The following MAPRE2 variants were observed in gnomAD, a reference collection of about 807,000 sequenced individuals.
The protein encoded by MAPRE2 is microtubule associated protein RP/EB family member 2, also known as microtubule-associated protein RP/EB family member 2.
A neutral mutation model predicts 43.2 loss-of-function variants in MAPRE2; 13 were observed. The ratio of observed to expected loss-of-function variants is 0.30; its 90% CI spans 0.20 to 0.48. MAPRE2 has a LOEUF of 0.48. MAPRE2 is among the 20% of genes least tolerant of loss of function. The probability of loss-of-function intolerance (pLI) is 0.99; values close to 1 mark genes in which losing one functional copy is unlikely to be tolerated. For missense variants in MAPRE2, 161 were observed against 400.2 expected, an observed-to-expected ratio of 0.40 and a Z score of 5.10; for synonymous variants, 135 against 148.8, an observed-to-expected ratio of 0.91 and a Z score of 0.68.
intron 1 of MAPRE2, among the ~76,000 whole-genome samples, chr18:35,055,537 CTGTG>C (rs34194364): frequency 2.0e-5 from 3 of 146,692 alleles, no homozygotes; most frequent in Non-Finnish European, 3.0e-5. Flanking sequence ...ATTCAGTTCT[CTGTG>C]TGTGTGTGTG....
intron 2 of MAPRE2, among the ~76,000 whole-genome samples, chr18:35,088,116 T>G (rs1055790692): frequency 5.3e-5 from 8 of 152,188 alleles, no homozygotes; most frequent in African/African-American, 1.7e-4. Flanking sequence ...AACATGCATT[T>G]TGGAGGGGAT....
chr18:35,015,633 AGTGTGTGTGT>A (rs3082290), intron 2 of MAPRE2, among the ~76,000 whole-genome samples: 3,807 of 134,852 alleles, frequency 0.028, 71 homozygotes, highest in East Asian at 0.05. Context: ...TAGGGATGGC[AGTGTGTGTGT>A]GTGTGTGTGT....
intron 2 of MAPRE2, among the ~76,000 whole-genome samples, chr18:35,090,503 A>G (rs1908093019): frequency 1.3e-5 from 2 of 152,080 alleles, no homozygotes; most frequent in Admixed American, 1.3e-4. Flanking sequence ...AGTCCAAGGC[A>G]GGAAGATCAC....
intron 4 of MAPRE2, among the ~76,000 whole-genome samples, chr18:35,109,751 C>T (rs1043424605): frequency 6.6e-6 from 1 of 152,030 alleles, no homozygotes. Flanking sequence ...TCAGGTCTTG[C>T]TTTTTTATTC....
intron 1 of MAPRE2, among the ~76,000 whole-genome samples, chr18:35,060,991 A>G (rs1906496016): frequency 6.6e-6 from 1 of 152,182 alleles, no homozygotes; most frequent in Non-Finnish European, 1.5e-5. Context: ...CCGTGTTTTG[A>G]AAAATAATCA....
intron 1 of MAPRE2, among the ~76,000 whole-genome samples, chr18:34,994,152 T>A (rs1178193250): frequency 6.6e-6 from 1 of 151,938 alleles, no homozygotes; most frequent in Admixed American, 6.6e-5. Context: ...AGACATTTGC[T>A]GTCCCCATGG....
chr18:35,108,042 G>A (rs935474209), intron 4 of MAPRE2, among the ~76,000 whole-genome samples: 22 of 151,434 alleles, frequency 1.5e-4, no homozygotes, highest in African/African-American at 5.1e-4. Context: ...TGTGCAGAAC[G>A]TACAGGTTTG....
At chr18:35,044,101 G>A (rs954320713) in intron 1 of MAPRE2, among the ~76,000 whole-genome samples, 4 of 152,332 alleles carry the variant, frequency 2.6e-5, no homozygotes, top group Non-Finnish European at 2.9e-5. Context: ...GAAGTTCTGG[G>A]TGGAGTCCCT....
intron 2 of MAPRE2, among the ~76,000 whole-genome samples, chr18:35,034,680 C>T (rs1603392164): frequency 1.3e-5 from 2 of 152,072 alleles, no homozygotes; most frequent in Admixed American, 6.6e-5. Context: ...AAACAAACAA[C>T]CCCATCAAAA....
At chr18:35,063,134 C>T (rs986950935) in intron 1 of MAPRE2, among the ~76,000 whole-genome samples, 1 of 151,854 alleles carries the variant, frequency 6.6e-6, no homozygotes. Flanking sequence ...GATGGAGTCT[C>T]ACTCTGTCGC....
intron 2 of MAPRE2, among the ~76,000 whole-genome samples, chr18:35,080,076 T>C (rs1907558557): frequency 6.6e-6 from 1 of 152,240 alleles, no homozygotes; most frequent in African/African-American, 2.4e-5. Flanking sequence ...CAAACAGTCA[T>C]TCAAATTTAG....
At position 35,041,611 on chromosome 18, in the gene MAPRE2, G is replaced by A; in HGVS notation, c.72G>A (p.Gly24=). 6.2e-7 allele frequency: 1 copy of A among 1,614,228 alleles called. No individual in the cohort carries two copies. The change falls in exon 1 of 7, where the codon GGG becomes GGA. Residue 24 remains glycine (G), a synonymous_variant. Transcript: ENST00000300249. ...NNNDIIQDNN[G]TIIPFRKHTV... ...ACGACATCATCCAGGATAATAACGGGACCATCATTCCTTTCCGGAAGCACA... is the reference window on the plus strand; with the variant it reads ...ACGACATCATCCAGGATAATAACGGAACCATCATTCCTTTCCGGAAGCACA...
intron 2 of MAPRE2, among the ~76,000 whole-genome samples, chr18:35,080,758 A>G (rs1907591575): frequency 6.6e-6 from 1 of 152,178 alleles, no homozygotes; most frequent in African/African-American, 2.4e-5. Flanking sequence ...ATACCTGGAA[A>G]CAGAATAATG....
intron 2 of MAPRE2, among the ~76,000 whole-genome samples, chr18:35,031,609 G>A (rs184907111): frequency 3.9e-5 from 6 of 152,240 alleles, no homozygotes; most frequent in South Asian, 2.1e-4. Context: ...TTAAATCCAA[G>A]CTTGAGAAAA....
chr18:35,092,174 C>T (rs1489060919), intron 2 of MAPRE2, among the ~76,000 whole-genome samples: 1 of 152,208 alleles, frequency 6.6e-6, no homozygotes, highest in African/African-American at 2.4e-5. Context: ...GACCCAGTCA[C>T]CTCCCACCAG....
At chr18:35,114,920 C>T (rs1202553039) in intron 4 of MAPRE2, among the ~76,000 whole-genome samples, 5 of 152,184 alleles carry the variant, frequency 3.3e-5, no homozygotes, top group Non-Finnish European at 7.3e-5. Context: ...CTGTAAACCT[C>T]GCCAGGCCAC....
chr18:35,010,211 A>T (rs567844548), intron 2 of MAPRE2, among the ~76,000 whole-genome samples: 2 of 152,242 alleles, frequency 1.3e-5, no homozygotes, highest in South Asian at 4.2e-4. Context: ...ATATAGCAAG[A>T]CCTCATCTCT....
chr18:35,026,044 A>G (rs2097044936), intron 2 of MAPRE2, among the ~76,000 whole-genome samples: 1 of 152,164 alleles, frequency 6.6e-6, no homozygotes, highest in Non-Finnish European at 1.5e-5. Flanking sequence ...TAAAAATGAA[A>G]GGAGGGAAGA....
intron 2 of MAPRE2, among the ~76,000 whole-genome samples, chr18:35,012,869 G>A (rs2097035638): frequency 6.6e-6 from 1 of 152,126 alleles, no homozygotes; most frequent in East Asian, 1.9e-4. Flanking sequence ...TCACCAAACT[G>A]TACACTTAAA....
Sources: allele counts gnomAD v4.1 joint callset (sites outside exome capture counted in the v4.1 genomes callset), GRCh38; gene constraint gnomAD v4.1.1; transcripts MANE v1.5; gene names NCBI Gene and HGNC (gene_info 2026-07-23, HGNC 2026-07-21).